MFSD8: variants seen among roughly 807,000 people sequenced by gnomAD.
MFSD8 encodes the protein major facilitator superfamily domain-containing protein 8.
Under a neutral mutation model 66.4 loss-of-function variants are expected in MFSD8, and 55 were observed. The observed-to-expected ratio is 0.83, with a 90% CI of 0.67 to 1.04. The LOEUF (loss-of-function observed/expected upper bound fraction) is 1.04, where lower values mean the gene tolerates loss of function less well. Ranked by LOEUF, MFSD8 falls within the 50% of genes least tolerant of loss-of-function variation. The pLI, the probability that MFSD8 is intolerant of heterozygous loss-of-function variation, is 0.00. For missense variants in MFSD8, 550 were observed against 627.6 expected (o/e 0.88, Z 1.32); for synonymous variants, 202 against 212.8 (o/e 0.95, Z 0.44).
intron 3 of MFSD8, 38 bp from the exon 4 acceptor site, chr4:127,944,030 C>T (rs1243280127): frequency 6.2e-7 from 1 of 1,613,368 alleles, no homozygotes; most frequent in East Asian, 2.2e-5. Flanking sequence ...AATTGTTATC[C>T]AAGAAAAGTT....
At chr4:127,927,850 C>A (rs1737477406) in intron 9 of MFSD8, among the ~76,000 whole-genome samples, 1 of 151,760 alleles carries the variant, frequency 6.6e-6, no homozygotes, top group South Asian at 2.1e-4. Context: ...TCATACCCAG[C>A]TAATTGTGTT....
chr4:127,953,461 C>CA (rs368450161), intron 2 of MFSD8, among the ~76,000 whole-genome samples: 11,097 of 76,396 alleles, frequency 0.15, 694 homozygotes, highest in African/African-American at 0.29. Flanking sequence ...GCACTCAGCT[C>CA]AAAAAAAAAA....
chr4:127,965,300 C>A, upstream of MFSD8: 2 of 811,486 alleles, frequency 2.5e-6, no homozygotes, highest in Non-Finnish European at 2.0e-6. Context: ...ACGCGGAAGG[C>A]CGGGCAGCGC....
chr4:127,920,168 A>C lies in MFSD8; in HGVS notation c.*462T>G, dbSNP rs1389713618. The stretch of plus-strand genomic sequence containing the variant: ...TTGATAATAGAAAATGCATTTTTTT[A>C]TAAATAAAAAGTAGGTGTCTGAATA... On this transcript the variant is annotated 3_prime_UTR_variant, in exon 12 of 12. Transcript: ENST00000641686. 1 of 157,690 alleles carries C rather than the reference A, an allele frequency of 6.3e-6. No individual in the cohort carries two copies. Among genetic ancestry groups the C allele is most frequent in the African/African-American group, 2.4e-5 (1 of 41,432 alleles). 9.8% of individuals were successfully genotyped at this position (157,690 alleles called of 1,614,324 possible).
chr4:127,938,321 C>A (rs376869410), intron 7 of MFSD8, among the ~76,000 whole-genome samples: 2 of 151,994 alleles, frequency 1.3e-5, no homozygotes, highest in Admixed American at 6.6e-5. Flanking sequence ...AATTTGCTCA[C>A]GCCTGTAATC....
intron 3 of MFSD8, among the ~76,000 whole-genome samples, chr4:127,948,804 T>C (rs1741483084): frequency 6.6e-6 from 1 of 152,192 alleles, no homozygotes; most frequent in Non-Finnish European, 1.5e-5. Context: ...TACACTGTCT[T>C]GGGACTCTTC....
rs772377066 is a variant in MFSD8 at position 127,921,668 on chromosome 4, C to T, written c.1206G>A (p.Ser402=). The stretch of plus-strand genomic sequence containing the variant: ...TGTAGAGGCACCAGGCTTGTTCAAT[C>T]GAGCAACCAGTTGGTCTTTCATTGT... ...EDDNERPTGC[S]IEQAWCLYTP... is the part of the protein sequence containing the mutation. Residue 402 remains serine (S), a synonymous_variant, in exon 11 of 12, where the codon TCG becomes TCA. Coordinates refer to ENST00000641686, the MANE Select transcript of MFSD8 (RefSeq NM_001371596.2). The T allele has an allele frequency of 6.2e-6, 10 of 1,614,034 alleles. No homozygotes were observed. The highest frequency in any genetic ancestry group is 3.3e-4 in the Middle Eastern group (2 of 6,082).
upstream of MFSD8, chr4:127,965,693 C>T (rs1037894259): frequency 7.6e-5 from 13 of 170,986 alleles, no homozygotes; most frequent in African/African-American, 3.1e-4. Flanking sequence ...GAGGCAGGGA[C>T]CGGGGACGCG....
At chr4:127,947,776 CA>C (rs140511197) in intron 3 of MFSD8, among the ~76,000 whole-genome samples, 8,391 of 151,588 alleles carry the variant, frequency 0.055, 376 homozygotes, top group Non-Finnish European at 0.082. Flanking sequence ...ATCCAAGTAC[CA>C]TGGATTTATC....
chr4:127,955,287 A>C lies in MFSD8; in HGVS notation c.154+2214T>G, dbSNP rs529787912. On this transcript the variant is annotated intron_variant, in intron 2 of 11. Transcript: ENST00000641686. ...AATGTGGTAGGCCAGGCTAGGCTGT[A>C]ATCCTAGCACTTTGGGAGGCTGAGG... Among the ~76,000 whole-genome samples, 21 of 152,278 alleles carry C rather than the reference A, an allele frequency of 1.4e-4. No individual in the cohort carries two copies. In the South Asian group the frequency reaches 4.1e-3, roughly 30 times the overall value.
chr4:127,939,837 A>G lies in MFSD8; in HGVS notation c.698+16T>C, dbSNP rs553253463. On this transcript the variant is annotated intron_variant, in intron 6 of 11. Coordinates refer to ENST00000641686, the MANE Select transcript of MFSD8 (RefSeq NM_001371596.2). ...CACAATCTACAAAAATAGTTTTATC[A>G]TTTCTATCTAATTACCTTAGTATGG... 4.3e-5 allele frequency: 69 copies of G among 1,602,808 alleles called. No homozygotes were observed. The South Asian group carries it at 7.3e-4, about 17-fold the overall frequency.
chr4:127,934,361 T>G (rs905220290), intron 7 of MFSD8, among the ~76,000 whole-genome samples: 2 of 152,128 alleles, frequency 1.3e-5, no homozygotes, highest in African/African-American at 4.8e-5. Context: ...TGACGGTGGT[T>G]TTATAAATAA....
intron 7 of MFSD8, chr4:127,934,468 CAT>C (rs1191901723): frequency 6.6e-6 from 1 of 151,802 alleles, no homozygotes; most frequent in Non-Finnish European, 1.5e-5. Context: ...ATCATGCAGA[CAT>C]ATTAATCTAC....
chr4:127,961,143 AAGTTGGTGGT>A (rs1395183506), intron 1 of MFSD8, among the ~76,000 whole-genome samples: 1 of 152,194 alleles, frequency 6.6e-6, no homozygotes, highest in Non-Finnish European at 1.5e-5. Flanking sequence ...TAGTGAGGAA[AAGTTGGTGGT>A]GACCTAGACA....
At chr4:127,925,422 G>T (rs1311228842) in intron 9 of MFSD8, among the ~76,000 whole-genome samples, 2 of 152,046 alleles carry the variant, frequency 1.3e-5, no homozygotes, top group African/African-American at 2.4e-5. Context: ...TCAAAAAGTG[G>T]GCAAAGGATA....
chr4:127,965,584 C>A, upstream of MFSD8: 1 of 226,222 alleles, frequency 4.4e-6, no homozygotes, highest in East Asian at 1.2e-4. Context: ...CCAGCTCGAT[C>A]GCAGGCTTCC....
At chr4:127,923,401 T>C (rs911909642) in intron 9 of MFSD8, among the ~76,000 whole-genome samples, 1 of 152,124 alleles carries the variant, frequency 6.6e-6, no homozygotes, top group Non-Finnish European at 1.5e-5. Flanking sequence ...GTTTTTGTCA[T>C]TGGTTCTGTT....
rs1300341137 is a variant in MFSD8 at position 127,943,932 on chromosome 4, G to T, written c.259C>A (p.Gln87Lys). Residue 87 changes from glutamine (Q) to lysine (K), a missense_variant, in exon 4 of 12, where the codon CAA (glutamine) becomes AAA (lysine). Physicochemically the swap from Gln to Lys is moderately conservative, Grantham distance 53 (BLOSUM62 1). Transcript: ENST00000641686. Reference sequence around the variant, plus strand: ...CCAAATATAGGTGAAGCTACCATTTGGCCAAGACTATATGAAGCAATAACC... The same window carrying T: ...CCAAATATAGGTGAAGCTACCATTTTGCCAAGACTATATGAAGCAATAACC... ...GWVIASYSLGQMVASPIFGLW... is the reference protein window; with the variant it reads ...GWVIASYSLGKMVASPIFGLW... 1 of 1,614,106 alleles carries T rather than the reference G, an allele frequency of 6.2e-7. No individual in the cohort carries two copies. Among genetic ancestry groups the T allele is most frequent in the South Asian group, 1.1e-5 (1 of 91,082 alleles).
At position 127,939,620 on chromosome 4, in the gene MFSD8, A is replaced by C. The variant is rs1474720720; in HGVS notation, c.698+233T>G. On this transcript the variant is annotated intron_variant, in intron 6 of 11. Transcript: ENST00000641686. ...ATCTTGTCTCAAAAAAAAAAAAAAA[A>C]AAAAAAAAAAAACTTTGAATCTTCA... 18 of 319,540 alleles carry C rather than the reference A, an allele frequency of 5.6e-5. No homozygotes were observed. In the East Asian group the frequency reaches 1.0e-3, roughly 18 times the overall value. 19.8% of individuals were successfully genotyped at this position (319,540 alleles called of 1,614,324 possible). A position where few individuals can be genotyped will look rare whatever the true frequency, so the allele number is the denominator to read the frequency against.
Sources: allele counts gnomAD v4.1 joint callset (sites outside exome capture counted in the v4.1 genomes callset), GRCh38; gene constraint gnomAD v4.1.1; transcripts MANE v1.5; gene names NCBI Gene and HGNC (gene_info 2026-07-23, HGNC 2026-07-21).